The following AKR1B10 variants were observed in gnomAD, a reference collection of about 807,000 sequenced individuals.
AKR1B10 encodes the protein aldo-keto reductase family 1 member B10.
Under a neutral mutation model 38.9 loss-of-function variants are expected in AKR1B10, and 39 were observed. That is an observed-to-expected ratio of 1.00 (90% confidence interval 0.78 to 1.31). The LOEUF is 1.31. Ranked by LOEUF, AKR1B10 falls within the 50% of genes most tolerant of loss-of-function variation. The probability of loss-of-function intolerance (pLI) is 0.00; values close to 1 mark genes in which losing one functional copy is unlikely to be tolerated. For missense variants in AKR1B10, 361 were observed against 382.6 expected (o/e 0.94, Z 0.47); for synonymous variants, 148 against 141.2 (o/e 1.05, Z -0.34).
At chr7:134,535,686 C>T (rs2117548234) in intron 4 of AKR1B10, 1 of 981,402 alleles carries the variant, frequency 1.0e-6, no homozygotes, top group Non-Finnish European at 1.2e-6. Context: ...TCTTTCTCTG[C>T]CCTTTCTGAC....
At position 134,537,676 on chromosome 7, in the gene AKR1B10, T is replaced by G; in HGVS notation, c.741+15T>G. On this transcript the variant is annotated intron_variant, in intron 7 of 9. Transcript: ENST00000359579. ...CCGCAGCCCAGGTGCCATATTTTTATTTTTCTTGTTATCCAACAACTCATT... is the reference window on the plus strand; with the variant it reads ...CCGCAGCCCAGGTGCCATATTTTTAGTTTTCTTGTTATCCAACAACTCATT... 1 of 1,613,626 alleles carries G rather than the reference T, an allele frequency of 6.2e-7. No homozygotes were observed. Among genetic ancestry groups the G allele is most frequent in the South Asian group, 1.1e-5 (1 of 91,062 alleles).
chr7:134,537,143 T>C lies in AKR1B10; in HGVS notation c.645T>C (p.Ser215=), dbSNP rs1808035346. The C allele has an allele frequency of 6.3e-7, 1 of 1,594,702 alleles. No individual in the cohort carries two copies. The highest frequency in any genetic ancestry group is 1.1e-5 in the South Asian group (1 of 87,686). Residue 215 remains serine (S), a synonymous_variant, in exon 6 of 10, where the codon TCT becomes TCC. Coordinates refer to ENST00000359579, the MANE Select transcript of AKR1B10 (RefSeq NM_020299.5). Reference sequence around the variant, plus strand: ...TTACGGCCTACAGCCCCCTGGGCTCTCCGGATAGACCTTGGTGAGGCTTCC... The same window carrying C: ...TTACGGCCTACAGCCCCCTGGGCTCCCCGGATAGACCTTGGTGAGGCTTCC... The part of the protein sequence containing the change: ...ITVTAYSPLG[S]PDRPWAKPED...
intron 8 of AKR1B10, 137 bp from the exon 9 acceptor site, chr7:134,538,798 G>T (rs73449390): frequency 0.028 from 26,155 of 950,514 alleles, 953 homozygotes; most frequent in African/African-American, 0.11. Flanking sequence ...TTTGTATCCC[G>T]TGGACAGAAT....
intron 9 of AKR1B10, among the ~76,000 whole-genome samples, chr7:134,539,578 G>A (rs143729027): frequency 1.1e-3 from 168 of 152,196 alleles, no homozygotes; most frequent in African/African-American, 3.8e-3. Flanking sequence ...GCATATTTGG[G>A]GGAAGAGCAT....
chr7:134,535,583 GTC>G (rs1491312659), intron 4 of AKR1B10: 3 of 681,362 alleles, frequency 4.4e-6, no homozygotes, highest in Non-Finnish European at 5.2e-6. Flanking sequence ...CCTCTTTTCT[GTC>G]TTTTTTTTTT....
intron 9 of AKR1B10, 72 bp from the exon 10 acceptor site, chr7:134,540,975 A>G: frequency 9.0e-7 from 1 of 1,105,754 alleles, no homozygotes; most frequent in East Asian, 2.4e-5. Context: ...AGGGAAGAAT[A>G]CCTTCTCAAC....
At chr7:134,531,822 G>A in intron 2 of AKR1B10, 86 bp from the exon 3 acceptor site, 1 of 1,497,506 alleles carries the variant, frequency 6.7e-7, no homozygotes, top group Non-Finnish European at 9.3e-7. Flanking sequence ...GTTAGATGAG[G>A]ATGCAAATCA....
chr7:134,531,401 G>A (rs1380417387), intron 2 of AKR1B10, among the ~76,000 whole-genome samples: 2 of 152,132 alleles, frequency 1.3e-5, no homozygotes, highest in African/African-American at 2.4e-5. Context: ...CTTGGAAAAT[G>A]CATACATCTG....
intron 2 of AKR1B10, 127 bp from the exon 3 acceptor site, chr7:134,531,781 A>T: frequency 9.5e-7 from 1 of 1,047,544 alleles, no homozygotes; most frequent in Non-Finnish European, 1.5e-6. Context: ...CGTGGATCTT[A>T]ATCAGCTTTG....
At position 134,541,142 on chromosome 7, in the gene AKR1B10, G is replaced by GT; in HGVS notation, c.*54dup. 1 of 1,351,374 alleles carries GT rather than the reference G, an allele frequency of 7.4e-7. No individual in the cohort carries two copies. The highest frequency in any genetic ancestry group is 1.0e-6 in the Non-Finnish European group (1 of 954,104). The allele number at this position is 1,351,374 out of a possible 1,614,324, so 83.7% of individuals were successfully genotyped here. A position where few individuals can be genotyped will look rare whatever the true frequency, so the allele number is the denominator to read the frequency against. The stretch of plus-strand genomic sequence containing the variant: ...GGAGATTCTCTTTCTTCGCTGAAGT[G>GT]TGACTACCTCCACTCATGTCCCATT... On this transcript the variant is annotated 3_prime_UTR_variant, in exon 10 of 10. Transcript: ENST00000359579.
At chr7:134,530,189 G>A (rs1270486314) in intron 1 of AKR1B10, among the ~76,000 whole-genome samples, 1 of 152,152 alleles carries the variant, frequency 6.6e-6, no homozygotes, top group Admixed American at 6.5e-5. Context: ...ATCCCTTGGG[G>A]TTATTTAGAG....
intron 9 of AKR1B10, among the ~76,000 whole-genome samples, chr7:134,540,518 T>C (rs1206317537): frequency 1.3e-5 from 2 of 152,196 alleles, no homozygotes; most frequent in African/African-American, 4.8e-5. Flanking sequence ...AAATCCAACT[T>C]TAACACTGGT....
Position 134,533,414 on chromosome 7 carries a change from T to A in AKR1B10, c.429+333T>A, listed in dbSNP as rs115077407. Among the ~76,000 whole-genome samples the A allele has an allele frequency of 3.6e-3, 548 of 152,238 alleles. 5 individuals carry two copies. Among genetic ancestry groups the A allele is most frequent in the African/African-American group, 0.013 (525 of 41,548 alleles). ...AGCAGCTGAGTAACCTAGGGTCAGT[T>A]TTGTAACTCATGTAGGGCTCAGTTT... On this transcript the variant is annotated intron_variant, in intron 4 of 9. Coordinates refer to ENST00000359579, the MANE Select transcript of AKR1B10 (RefSeq NM_020299.5).
At chr7:134,538,888 G>A in intron 8 of AKR1B10, 47 bp from the exon 9 acceptor site, 1 of 1,610,130 alleles carries the variant, frequency 6.2e-7, no homozygotes, top group Non-Finnish European at 8.5e-7. Flanking sequence ...TCCAGCCACA[G>A]CTAGAATGGC....
At chr7:134,533,916 A>C (rs1807931499) in intron 4 of AKR1B10, among the ~76,000 whole-genome samples, 1 of 152,230 alleles carries the variant, frequency 6.6e-6, no homozygotes, top group Admixed American at 6.5e-5. Context: ...ATAAATGAAC[A>C]GTGGCTTATG....
Position 134,527,730 on chromosome 7 carries a change from C to T in AKR1B10, c.-182C>T. The T allele has an allele frequency of 3.9e-6, 2 of 512,532 alleles. No homozygotes were observed. The highest frequency in any genetic ancestry group is 5.1e-5 in the South Asian group (1 of 19,478). 31.7% of individuals were successfully genotyped at this position (512,532 alleles called of 1,614,324 possible). A position where few individuals can be genotyped will look rare whatever the true frequency, so the allele number is the denominator to read the frequency against. On this transcript the variant is annotated 5_prime_UTR_variant, in exon 1 of 10. Coordinates refer to ENST00000359579, the MANE Select transcript of AKR1B10 (RefSeq NM_020299.5). ...GAGTCACGGTGGGCGCCTGTAATCC[C>T]AGCTACTCGGGAGGCTGAGGCAGGA... is the stretch of plus-strand genomic sequence containing the variant.
intron 4 of AKR1B10, among the ~76,000 whole-genome samples, 195 bp from the exon 5 acceptor site, chr7:134,536,455 G>A (rs113579995): frequency 1.8e-4 from 27 of 152,190 alleles, no homozygotes; most frequent in African/African-American, 4.3e-4. Context: ...TTTTTCTTGC[G>A]CTGGGGAGGG....
In AKR1B10 at chr7:134,530,885, A is replaced by C. The variant is rs892348196; in HGVS notation, c.234+75A>C. The C allele has an allele frequency of 3.9e-6, 6 of 1,534,622 alleles. No homozygotes were observed. In the African/African-American group the frequency reaches 8.3e-5, roughly 21 times the overall value. On this transcript the variant is annotated intron_variant, in intron 2 of 9. Transcript: ENST00000359579. ...TATCTGGGTCGGGTTGGCAGCAAGA[A>C]CTCTGTCAGCCTTTTCTACATGTAC...
chr7:134,531,992 G>A lies in AKR1B10; in HGVS notation c.319G>A (p.Val107Ile), dbSNP rs372587864. The change falls in exon 3 of 10, where the codon GTC becomes ATC. Residue 107 changes from valine (V) to isoleucine (I), a missense_variant. Val to Ile is a conservative substitution (Grantham distance 29). Transcript: ENST00000359579. ...LKDLKLSYLD[V>I]YLIHWPQGFK... The stretch of plus-strand genomic sequence containing the variant: ...GGACCTGAAGCTGAGCTATCTGGAC[G>A]TCTATCTTATTCACTGGCCACAGGG... 1.7e-5 allele frequency: 27 copies of A among 1,614,000 alleles called. No homozygotes were observed. The highest frequency in any genetic ancestry group is 1.5e-4 in the African/African-American group (11 of 74,924).
Sources: allele counts gnomAD v4.1 joint callset (sites outside exome capture counted in the v4.1 genomes callset), GRCh38; gene constraint gnomAD v4.1.1; transcripts MANE v1.5; gene names NCBI Gene and HGNC (gene_info 2026-07-23, HGNC 2026-07-21).